The following CLCN4 variants were observed in gnomAD, a reference collection of about 807,000 sequenced individuals.
CLCN4 encodes H(+)/Cl(-) exchange transporter 4.
In CLCN4, 1 loss-of-function variant was observed where a neutral mutation model predicts 41.7. The observed-to-expected ratio is 0.02, with a 90% CI of 0.01 to 0.11. CLCN4 has a LOEUF of 0.11. CLCN4 is among the 10% of genes least tolerant of loss of function. The probability of loss-of-function intolerance (pLI) is 1.00; values close to 1 mark genes in which losing one functional copy is unlikely to be tolerated. For missense variants in CLCN4, 287 were observed against 661.0 expected (o/e 0.43, Z 6.20); for synonymous variants, 277 against 285.8 (o/e 0.97, Z 0.31).
rs1027721473 is a variant in CLCN4, at chrX:10,234,514, A to G, written c.*930A>G. On this transcript the variant is annotated 3_prime_UTR_variant, in exon 13 of 13. Coordinates refer to ENST00000380833, the MANE Select transcript of CLCN4 (RefSeq NM_001830.4). ...AAGCGTGCTTTCATTTTCAAGTAGCATATGCAAGAGTCCAAACAGGCTACC... is the reference window on the plus strand; with the variant it reads ...AAGCGTGCTTTCATTTTCAAGTAGCGTATGCAAGAGTCCAAACAGGCTACC... The G allele has an allele frequency of 8.8e-6, 1 of 113,112 alleles. No individual in the cohort carries two copies. Among genetic ancestry groups the G allele is most frequent in the East Asian group, 2.8e-4 (1 of 3,604 alleles). The allele number at this position is 113,112 out of a possible 1,213,427, so 9.3% of individuals were successfully genotyped here. A position where few individuals can be genotyped will look rare whatever the true frequency, so the allele number is the denominator to read the frequency against.
chrX:10,227,837 T>G, intron 12 of CLCN4, among the ~76,000 whole-genome samples: 1 of 112,595 alleles, frequency 8.9e-6, no homozygotes, highest in Non-Finnish European at 1.9e-5. Context: ...TGTCTGTACT[T>G]CTTTCCTTGT....
chrX:10,214,571 A>G (rs1924657169), intron 11 of CLCN4, among the ~76,000 whole-genome samples: 1 of 112,867 alleles, frequency 8.9e-6, no homozygotes, highest in African/African-American at 3.2e-5. Context: ...ACCCCTTGCC[A>G]CCACACAAGT....
chrX:10,183,574 C>T (rs148986985), intron 2 of CLCN4, among the ~76,000 whole-genome samples: 336 of 112,145 alleles, frequency 3.0e-3, no homozygotes, highest in Middle Eastern at 9.2e-3. Flanking sequence ...CATATTCCAA[C>T]CTCTTGTCTC....
intron 2 of CLCN4, among the ~76,000 whole-genome samples, chrX:10,174,698 T>A (rs1245001566): frequency 8.1e-5 from 9 of 111,002 alleles, no homozygotes; most frequent in African/African-American, 3.0e-4. Context: ...GTCACCCCCT[T>A]GAGCTCTTCC....
intron 12 of CLCN4, among the ~76,000 whole-genome samples, chrX:10,231,077 T>C (rs1414330343): frequency 1.8e-5 from 2 of 112,169 alleles, no homozygotes; most frequent in African/African-American, 6.5e-5. Context: ...TTCCAGAATG[T>C]TGCATATTAT....
intron 12 of CLCN4, among the ~76,000 whole-genome samples, chrX:10,231,310 C>T (rs759945394): frequency 8.9e-6 from 1 of 111,811 alleles, no homozygotes; most frequent in South Asian, 3.7e-4. Flanking sequence ...ATGAAGCAGA[C>T]GTCTTCTAAG....
Position 10,212,613 on chromosome X carries a change from G to A in CLCN4, c.1536G>A (p.Thr512=), listed in dbSNP as rs1434716352. 13 of 1,209,581 alleles carry A rather than the reference G, an allele frequency of 1.1e-5. No homozygotes were observed. The highest frequency in any genetic ancestry group is 8.9e-5 in the East Asian group (3 of 33,727). The change falls in exon 10 of 13, where the codon ACG becomes ACA. Residue 512 remains threonine (T), a synonymous_variant. Coordinates refer to ENST00000380833, the MANE Select transcript of CLCN4 (RefSeq NM_001830.4). ...NWCRPGADCV[T]PGLYAMVGAA... ...GCAGACCCGGTGCAGACTGTGTCACGCCAGGGCTGTACGCAATGGTGGGAG... is the reference window on the plus strand; with the variant it reads ...GCAGACCCGGTGCAGACTGTGTCACACCAGGGCTGTACGCAATGGTGGGAG...
intron 2 of CLCN4, among the ~76,000 whole-genome samples, chrX:10,165,375 G>A (rs772398730): frequency 8.9e-6 from 1 of 112,862 alleles, no homozygotes; most frequent in African/African-American, 3.2e-5. Flanking sequence ...CTGCCCTGGG[G>A]ACGACACATG....
At position 10,237,179 on chromosome X, in the gene CLCN4, A is replaced by G. The variant is rs188150711; in HGVS notation, c.*3595A>G. On this transcript the variant is annotated 3_prime_UTR_variant, in exon 13 of 13. Transcript: ENST00000380833. ...GGAAAATTTTAGAGCAGTTTGTTTC[A>G]CTTAGGTGAGAACTGATTACTTTAA... 148 of 112,584 alleles carry G rather than the reference A, an allele frequency of 1.3e-3. 1 individual carries two copies. Among genetic ancestry groups the G allele is most frequent in the African/African-American group, 4.1e-3 (128 of 31,026 alleles). The allele number at this position is 112,584 out of a possible 1,213,427, so 9.3% of individuals were successfully genotyped here.
intron 2 of CLCN4, among the ~76,000 whole-genome samples, chrX:10,175,929 C>T (rs55660552): frequency 2.9e-5 from 2 of 69,465 alleles, no homozygotes; most frequent in Non-Finnish European, 5.1e-5. Flanking sequence ...TCTCTCTCTC[C>T]CCCTCCCTCC....
chrX:10,209,104 G>T (rs1462785016), intron 9 of CLCN4, among the ~76,000 whole-genome samples: 1 of 111,579 alleles, frequency 9.0e-6, no homozygotes, highest in Non-Finnish European at 1.9e-5. Context: ...AGAAAGAGAT[G>T]CAGACCTGGA....
chrX:10,169,149 A>C (rs1923320089), intron 2 of CLCN4, among the ~76,000 whole-genome samples: 1 of 111,441 alleles, frequency 9.0e-6, no homozygotes, highest in African/African-American at 3.3e-5. Flanking sequence ...TAATAGTTTA[A>C]ATCTTTGTGT....
intron 2 of CLCN4, among the ~76,000 whole-genome samples, chrX:10,160,735 C>T (rs1923073023): frequency 1.8e-5 from 2 of 111,749 alleles, no homozygotes; most frequent in South Asian, 7.5e-4. Flanking sequence ...CACGGACACT[C>T]GCTTGGGCAG....
chrX:10,222,679 G>T (rs1174054594), intron 12 of CLCN4, among the ~76,000 whole-genome samples: 1 of 111,755 alleles, frequency 8.9e-6, no homozygotes, highest in Non-Finnish European at 1.9e-5. Flanking sequence ...AATGTCACTA[G>T]TCGTGCAGTT....
rs191930751 is a variant in CLCN4, at chrX:10,227,548, T to A, written c.2193-5946T>A. The stretch of plus-strand genomic sequence containing the variant: ...TTTAACATATTGTACAATTCACCCA[T>A]TTAAAATGCATGATTCAGTGGTTTT... On this transcript the variant is annotated intron_variant, in intron 12 of 12. Coordinates refer to ENST00000380833, the MANE Select transcript of CLCN4 (RefSeq NM_001830.4). Among the ~76,000 whole-genome samples the A allele has an allele frequency of 6.2e-3, 688 of 111,808 alleles. 7 individuals are homozygous for A. Among genetic ancestry groups the A allele is most frequent in the African/African-American group, 0.021 (661 of 30,790 alleles).
At chrX:10,207,829 C>A (rs142050295) in intron 8 of CLCN4, among the ~76,000 whole-genome samples, 35 of 111,636 alleles carry the variant, frequency 3.1e-4, no homozygotes, top group African/African-American at 1.1e-3. Flanking sequence ...AAAATATAGC[C>A]CAAACCCACC....
intron 6 of CLCN4, 67 bp from the exon 7 acceptor site, chrX:10,206,291 T>C (rs1396226223): frequency 3.6e-6 from 3 of 830,415 alleles, no homozygotes; most frequent in Non-Finnish European, 5.4e-6. Flanking sequence ...TCAGAGGAAT[T>C]ATAGCTCTTT....
chrX:10,211,486 G>A (rs181298332), intron 9 of CLCN4, among the ~76,000 whole-genome samples: 1 of 111,179 alleles, frequency 9.0e-6, no homozygotes, highest in Non-Finnish European at 1.9e-5. Context: ...GCTGAGAAAA[G>A]TCTCCTTTGA....
chrX:10,217,541 A>G (rs931564314), intron 11 of CLCN4, among the ~76,000 whole-genome samples: 2 of 111,724 alleles, frequency 1.8e-5, no homozygotes, highest in African/African-American at 6.5e-5. Flanking sequence ...GTTGAGAACC[A>G]TTGCTCTAAA....
Sources: allele counts gnomAD v4.1 joint callset (sites outside exome capture counted in the v4.1 genomes callset), GRCh38; gene constraint gnomAD v4.1.1; transcripts MANE v1.5; gene names NCBI Gene and HGNC (gene_info 2026-07-23, HGNC 2026-07-21).